Variants in FAM185A observed in about 807,000 individuals in gnomAD.
The protein encoded by FAM185A is protein FAM185A.
In FAM185A, 21 loss-of-function variants were observed where a neutral mutation model predicts 45.7. The ratio of observed to expected loss-of-function variants is 0.46; its 90% CI spans 0.33 to 0.66. The LOEUF (loss-of-function observed/expected upper bound fraction) is 0.66. Ranked by LOEUF, FAM185A falls within the 30% of genes least tolerant of loss-of-function variation. FAM185A has a pLI of 0.03. For missense variants in FAM185A, 305 were observed against 485.4 expected (o/e 0.63, Z 3.49); for synonymous variants, 117 against 194.0 (o/e 0.60, Z 3.30).
intron 4 of FAM185A, among the ~76,000 whole-genome samples, chr7:102,763,027 G>A (rs1034479035): frequency 2.8e-5 from 4 of 140,668 alleles, no homozygotes; most frequent in African/African-American, 8.0e-5. Context: ...GTCAGATGTG[G>A]ATTAACATCC....
the FAM185A span, among the ~76,000 whole-genome samples, chr7:102,818,133 G>A: frequency 6.6e-6 from 1 of 152,162 alleles, no homozygotes; most frequent in Non-Finnish European, 1.5e-5. Flanking sequence ...AGGGAATGTT[G>A]GAGCCACCAC....
At chr7:102,767,487 A>AGTCT (rs1794482275) in intron 4 of FAM185A, among the ~76,000 whole-genome samples, 1 of 152,160 alleles carries the variant, frequency 6.6e-6, no homozygotes, top group Admixed American at 6.5e-5. Context: ...GGACACTGGC[A>AGTCT]GTCTCTATCA....
intron 7 of FAM185A, among the ~76,000 whole-genome samples, chr7:102,793,470 A>G (rs1796260225): frequency 1.3e-5 from 2 of 151,948 alleles, no homozygotes; most frequent in Non-Finnish European, 2.9e-5. Context: ...CGGCCTCCCA[A>G]AGTGCTGGGA....
intron 7 of FAM185A, among the ~76,000 whole-genome samples, chr7:102,802,778 G>A (rs1372027671): frequency 6.6e-6 from 1 of 151,786 alleles, no homozygotes; most frequent in Non-Finnish European, 1.5e-5. Context: ...TCCTTGAAAA[G>A]ATAAATAAAC....
the FAM185A span, among the ~76,000 whole-genome samples, chr7:102,821,283 C>A: frequency 6.6e-6 from 1 of 152,176 alleles, no homozygotes; most frequent in African/African-American, 2.4e-5. Flanking sequence ...TCTCTCTGAT[C>A]CAACTCCAGC....
chr7:102,760,136 G>A (rs1794022028), intron 3 of FAM185A, among the ~76,000 whole-genome samples: 1 of 152,084 alleles, frequency 6.6e-6, no homozygotes, highest in Non-Finnish European at 1.5e-5. Context: ...ATAGTTGTCA[G>A]TTTTCCTCTC....
At chr7:102,754,667 G>A (rs1177455327) in intron 2 of FAM185A, among the ~76,000 whole-genome samples, 1 of 152,194 alleles carries the variant, frequency 6.6e-6, no homozygotes, top group Non-Finnish European at 1.5e-5. Context: ...AAATTGAGCT[G>A]GGATTTGACC....
the FAM185A span, among the ~76,000 whole-genome samples, chr7:102,824,781 C>T: frequency 5.7e-5 from 8 of 141,480 alleles, no homozygotes; most frequent in Admixed American, 1.4e-4. Flanking sequence ...CCACCATGCC[C>T]GGCCTTTTTT....
the FAM185A span, among the ~76,000 whole-genome samples, chr7:102,825,768 A>C: frequency 6.6e-6 from 1 of 152,222 alleles, no homozygotes; most frequent in Non-Finnish European, 1.5e-5. Context: ...ATAATGTTTT[A>C]ACTTGGATTT....
At chr7:102,834,900 G>A in the FAM185A span, among the ~76,000 whole-genome samples, 1 of 151,774 alleles carries the variant, frequency 6.6e-6, no homozygotes, top group Non-Finnish European at 1.5e-5. Context: ...GTGTGTGTGT[G>A]TGTGTGTGTG....
chr7:102,843,165 C>T, the FAM185A span, among the ~76,000 whole-genome samples: 202 of 152,134 alleles, frequency 1.3e-3, no homozygotes, highest in African/African-American at 2.1e-3. Context: ...AGTGGTAGGC[C>T]GGGCATGGTG....
At chr7:102,812,972 A>G (rs1251918235), downstream of FAM185A, among the ~76,000 whole-genome samples, 1 of 150,968 alleles carries the variant, frequency 6.6e-6, no homozygotes, top group East Asian at 2.0e-4. Flanking sequence ...CCTCCTGAGT[A>G]GCTGGGATTA....
intron 6 of FAM185A, among the ~76,000 whole-genome samples, chr7:102,783,037 T>C (rs935952908): frequency 6.6e-6 from 1 of 151,328 alleles, no homozygotes; most frequent in Non-Finnish European, 1.5e-5. Context: ...CCAGCAAAGA[T>C]CAAAAGAGAC....
In FAM185A at chr7:102,751,735, A is replaced by G; in HGVS notation, c.495A>G (p.Gln165=). Residue 165 remains glutamine, a synonymous_variant, in exon 2 of 8, where the codon CAA becomes CAG. Transcript: ENST00000413034. ...KSSGSGCVKV[Q]SIEGDNCKIE... Reference sequence around the variant, plus strand: ...CAGGGTCTGGCTGTGTAAAAGTTCAAAGTATTGAGGGTGATAATTGCAAAA... The same window carrying G: ...CAGGGTCTGGCTGTGTAAAAGTTCAGAGTATTGAGGGTGATAATTGCAAAA... 1 of 1,551,546 alleles carries G rather than the reference A, an allele frequency of 6.4e-7. No homozygotes were observed. The highest frequency in any genetic ancestry group is 8.7e-7 in the Non-Finnish European group (1 of 1,146,766).
chr7:102,783,650 C>T (rs988872001), intron 6 of FAM185A, among the ~76,000 whole-genome samples: 8 of 151,842 alleles, frequency 5.3e-5, no homozygotes, highest in African/African-American at 1.9e-4. Context: ...TCAAAGATAC[C>T]AGAATCTCTG....
the FAM185A span, among the ~76,000 whole-genome samples, chr7:102,832,599 G>T: frequency 2.0e-5 from 3 of 152,266 alleles, no homozygotes; most frequent in East Asian, 1.9e-4. Flanking sequence ...GTGAATTAAA[G>T]AAATCTTTGA....
the FAM185A span, among the ~76,000 whole-genome samples, chr7:102,817,627 T>C: frequency 6.6e-6 from 1 of 152,210 alleles, no homozygotes; most frequent in African/African-American, 2.4e-5. Flanking sequence ...AAGTTAAAAA[T>C]GTAGAAACTA....
intron 3 of FAM185A, among the ~76,000 whole-genome samples, chr7:102,758,299 GTTTA>G (rs1459697310): frequency 2.0e-5 from 3 of 151,978 alleles, no homozygotes; most frequent in Admixed American, 6.5e-5. Context: ...CTTGTGTTAG[GTTTA>G]TTTGAGTATT....
the FAM185A span, among the ~76,000 whole-genome samples, chr7:102,833,356 C>G: frequency 6.6e-6 from 1 of 151,876 alleles, no homozygotes; most frequent in South Asian, 2.1e-4. Flanking sequence ...TGGAATCAGA[C>G]AGACCCGAGT....
Sources: allele counts gnomAD v4.1 joint callset (sites outside exome capture counted in the v4.1 genomes callset), GRCh38; gene constraint gnomAD v4.1.1; transcripts MANE v1.5; gene names NCBI Gene and HGNC (gene_info 2026-07-23, HGNC 2026-07-21).